The following SLC38A6 variants were observed in gnomAD, a reference collection of about 807,000 sequenced individuals.
SLC38A6 encodes the protein N system amino acid transporter NAT-1.
Under a neutral mutation model 65.0 loss-of-function variants are expected in SLC38A6, and 73 were observed. The observed-to-expected ratio is 1.12, with a 90% CI of 0.93 to 1.37. SLC38A6 has a LOEUF of 1.37. Ranked by LOEUF, SLC38A6 falls within the 40% of genes most tolerant of loss-of-function variation. SLC38A6 has a pLI of 0.00. For missense variants in SLC38A6, 561 were observed against 531.1 expected (o/e 1.06, Z -0.55); for synonymous variants, 183 against 178.8 (o/e 1.02, Z -0.19).
At chr14:61,014,932 T>C (rs990752640) in intron 3 of SLC38A6, among the ~76,000 whole-genome samples, 4 of 152,172 alleles carry the variant, frequency 2.6e-5, no homozygotes, top group Admixed American at 6.5e-5. Context: ...GACATTTAAG[T>C]CTGGACAGGT....
Position 60,984,814 on chromosome 14 carries a change from ATGTTATGC to A in SLC38A6, c.310+14_310+21del. ...TGTGTATTCAGACAGGTGAGTAAAA[ATGTTATGC>A]TGCTTCATTTAATAAAGGAGTCTCT... is the stretch of plus-strand genomic sequence containing the variant. On this transcript the variant is annotated intron_variant, in intron 3 of 15. Coordinates refer to ENST00000267488, the MANE Select transcript of SLC38A6 (RefSeq NM_153811.3). 6.2e-7 allele frequency: 1 copy of A among 1,612,154 alleles called. No individual in the cohort carries two copies. The highest frequency in any genetic ancestry group is 1.1e-5 in the South Asian group (1 of 91,018).
chr14:61,074,203 C>T (rs1022429138), intron 15 of SLC38A6, among the ~76,000 whole-genome samples: 1 of 152,134 alleles, frequency 6.6e-6, no homozygotes, highest in African/African-American at 2.4e-5. Context: ...ACTGTAAATA[C>T]ATTTATATTT....
At chr14:61,024,829 T>C (rs1248406374) in intron 5 of SLC38A6, among the ~76,000 whole-genome samples, 1 of 152,214 alleles carries the variant, frequency 6.6e-6, no homozygotes, top group African/African-American at 2.4e-5. Flanking sequence ...ATTGATGTTA[T>C]TTCTGGTTTC....
chr14:61,002,627 G>T (rs904389728), intron 3 of SLC38A6, among the ~76,000 whole-genome samples: 1 of 152,110 alleles, frequency 6.6e-6, no homozygotes, highest in Admixed American at 6.6e-5. Context: ...GTTTCTAAAC[G>T]ATTCCTGTGG....
chr14:61,083,696 G>T lies in SLC38A6; in HGVS notation c.1550G>T (p.Arg517Ile), dbSNP rs550334280. Reference sequence around the variant, plus strand: ...TTGATCTTGCACTTCCCAACCTCCAGAACTGTGAGCAAATAAATGATGTTG... The same window carrying T: ...TTGATCTTGCACTTCCCAACCTCCATAACTGTGAGCAAATAAATGATGTTG... Residue 517 changes from arginine to isoleucine, a missense_variant, in exon 17 of 17, where the codon AGA becomes ATA. Coordinates refer to the SLC38A6 transcript ENST00000354886. 8.7e-4 allele frequency: 1,352 copies of T among 1,547,828 alleles called. 1 individual carries two copies. Among genetic ancestry groups the T allele is most frequent in the Non-Finnish European group, 9.4e-4 (1,074 of 1,146,464 alleles).
At chr14:61,014,234 T>C (rs563006440) in intron 3 of SLC38A6, among the ~76,000 whole-genome samples, 1 of 152,228 alleles carries the variant, frequency 6.6e-6, no homozygotes, top group African/African-American at 2.4e-5. Context: ...TTCAGCTCCA[T>C]CAGGTCCTTT....
At chr14:61,041,001 G>C (rs2041774089) in intron 8 of SLC38A6, among the ~76,000 whole-genome samples, 1 of 152,164 alleles carries the variant, frequency 6.6e-6, no homozygotes, top group Non-Finnish European at 1.5e-5. Flanking sequence ...CTCAAGAGTT[G>C]AGAGGAGAGA....
At chr14:60,991,468 G>A (rs1308304483) in intron 3 of SLC38A6, among the ~76,000 whole-genome samples, 2 of 152,134 alleles carry the variant, frequency 1.3e-5, no homozygotes, top group African/African-American at 2.4e-5. Flanking sequence ...AGAGGTTAAA[G>A]TAACTTGTCC....
chr14:61,068,388 A>G (rs544274718), intron 15 of SLC38A6, among the ~76,000 whole-genome samples: 14 of 152,204 alleles, frequency 9.2e-5, no homozygotes, highest in Admixed American at 3.9e-4. Context: ...CTCACTTAGA[A>G]TGAAATCCAT....
At chr14:60,982,203 C>A (rs180773379) in intron 1 of SLC38A6, 1 of 481,074 alleles carries the variant, frequency 2.1e-6, no homozygotes, top group Non-Finnish European at 4.1e-6. Flanking sequence ...TCTCTCTCCC[C>A]ACTCCATTCC....
chr14:61,003,036 CCT>C (rs2038818555), intron 3 of SLC38A6, among the ~76,000 whole-genome samples: 1 of 151,968 alleles, frequency 6.6e-6, no homozygotes, highest in Non-Finnish European at 1.5e-5. Flanking sequence ...AAAAAAATCT[CCT>C]GTTAGTAGAC....
intron 3 of SLC38A6, among the ~76,000 whole-genome samples, chr14:60,988,471 A>G (rs1256414259): frequency 6.6e-6 from 1 of 152,144 alleles, no homozygotes; most frequent in Non-Finnish European, 1.5e-5. Flanking sequence ...TAATCCTTCT[A>G]ATGCTTTCAG....
intron 3 of SLC38A6, among the ~76,000 whole-genome samples, chr14:61,011,549 C>T (rs994511741): frequency 3.1e-4 from 47 of 152,068 alleles, no homozygotes; most frequent in Admixed American, 5.9e-4. Flanking sequence ...TTTTGAGATA[C>T]GTCCCATCAA....
chr14:61,076,652 A>G (rs1339524167), intron 15 of SLC38A6, among the ~76,000 whole-genome samples: 1 of 152,234 alleles, frequency 6.6e-6, no homozygotes, highest in Non-Finnish European at 1.5e-5. Context: ...ATACATAGTC[A>G]ATATTGACTG....
At chr14:61,027,748 CT>C (rs2040690547) in intron 5 of SLC38A6, among the ~76,000 whole-genome samples, 1 of 117,686 alleles carries the variant, frequency 8.5e-6, no homozygotes, top group Admixed American at 8.7e-5. Context: ...AAAGTGCTAG[CT>C]AGTTCTTACA....
intron 5 of SLC38A6, among the ~76,000 whole-genome samples, chr14:61,029,428 T>G (rs1459103400): frequency 6.6e-6 from 1 of 152,178 alleles, no homozygotes; most frequent in Non-Finnish European, 1.5e-5. Flanking sequence ...CACTCTTTGT[T>G]CTTCATGGGC....
At chr14:61,069,381 G>T (rs974793048) in intron 15 of SLC38A6, among the ~76,000 whole-genome samples, 1 of 151,448 alleles carries the variant, frequency 6.6e-6, no homozygotes, top group African/African-American at 2.4e-5. Context: ...ATAATGGCTC[G>T]CTACTACCCC....
At chr14:61,054,647 G>T (rs2042644655), downstream of SLC38A6, among the ~76,000 whole-genome samples, 1 of 152,094 alleles carries the variant, frequency 6.6e-6, no homozygotes, top group Non-Finnish European at 1.5e-5. Context: ...TTGTGAATGG[G>T]ATTGTCTGAT....
intron 5 of SLC38A6, among the ~76,000 whole-genome samples, chr14:61,025,205 T>C (rs2040540890): frequency 6.6e-6 from 1 of 152,218 alleles, no homozygotes; most frequent in Admixed American, 6.5e-5. Context: ...AAGATCATTT[T>C]CAATTGAGAA....
Sources: allele counts gnomAD v4.1 joint callset (sites outside exome capture counted in the v4.1 genomes callset), GRCh38; gene constraint gnomAD v4.1.1; transcripts MANE v1.5; gene names NCBI Gene and HGNC (gene_info 2026-07-23, HGNC 2026-07-21).